Variants in BICD1 observed in about 807,000 individuals in gnomAD.
BICD1 encodes the protein protein bicaudal D homolog 1.
BICD1 carries 35 observed loss-of-function variants against 92.5 expected under a neutral mutation model. That is an observed-to-expected ratio of 0.38 (90% CI 0.29 to 0.50). The LOEUF (loss-of-function observed/expected upper bound fraction) is 0.50. Ranked by LOEUF, BICD1 falls within the 20% of genes least tolerant of loss-of-function variation. The pLI, the probability that BICD1 is intolerant of heterozygous loss-of-function variation, is 0.93. For synonymous variants in BICD1, 429 were observed against 465.1 expected (o/e 0.92, Z 1.00); for missense variants, 950 against 1,189.8 (o/e 0.80, Z 2.97).
chr12:32,324,142 G>T (rs2136250175), intron 4 of BICD1, among the ~76,000 whole-genome samples: 1 of 152,156 alleles, frequency 6.6e-6, no homozygotes, highest in East Asian at 1.9e-4. Context: ...CAGCCGCCAG[G>T]CTGAAACCCC....
intron 4 of BICD1, among the ~76,000 whole-genome samples, chr12:32,321,380 T>C (rs1948651899): frequency 1.3e-5 from 2 of 152,056 alleles, no homozygotes; most frequent in South Asian, 2.1e-4. Context: ...ATAATTTCTA[T>C]GGGATATAGG....
intron 1 of BICD1, among the ~76,000 whole-genome samples, chr12:32,154,199 G>T (rs1393399904): frequency 6.6e-6 from 1 of 152,052 alleles, no homozygotes; most frequent in Non-Finnish European, 1.5e-5. Context: ...GATTTTTCCA[G>T]TTCTCAATAT....
At chr12:32,272,086 T>C (rs1212504232) in intron 2 of BICD1, among the ~76,000 whole-genome samples, 2 of 152,222 alleles carry the variant, frequency 1.3e-5, no homozygotes, top group Non-Finnish European at 2.9e-5. Flanking sequence ...ACCACTAATA[T>C]TACATATTAG....
chr12:32,151,199 C>T (rs3895920), intron 1 of BICD1, among the ~76,000 whole-genome samples: 18,128 of 152,178 alleles, frequency 0.12, 1,244 homozygotes, highest in East Asian at 0.28. Flanking sequence ...CATGTTCCCA[C>T]ATAGAAGCAC....
chr12:32,247,123 GGT>G (rs1484278445), intron 2 of BICD1, among the ~76,000 whole-genome samples: 2 of 151,854 alleles, frequency 1.3e-5, no homozygotes, highest in African/African-American at 4.8e-5. Context: ...CCGGTATGGT[GGT>G]GTGTGCCTGT....
chr12:32,316,457 A>AT (rs949485384), intron 4 of BICD1, among the ~76,000 whole-genome samples: 3 of 150,076 alleles, frequency 2.0e-5, no homozygotes, highest in Non-Finnish European at 3.0e-5. Context: ...CGCCCAGCTA[A>AT]TTTTTTTTTA....
rs1555140629 is a variant in BICD1, at chr12:32,166,142, A to ATTTT, written c.214-50102_214-50101insTTTT. Among the ~76,000 whole-genome samples, 7 of 145,882 alleles carry ATTTT rather than the reference A, an allele frequency of 4.8e-5. No homozygotes were observed. The East Asian group carries it at 1.6e-3, about 33-fold the overall frequency. On this transcript the variant is annotated intron_variant, in intron 1 of 9. Coordinates refer to ENST00000652176, the MANE Select transcript of BICD1 (RefSeq NM_001714.4). Reference sequence around the variant, plus strand: ...TATTTATTTATTTATTTATTTATTTATTTATTTTTTGGAGCCAGCGTTTCG... The same window carrying ATTTT: ...TATTTATTTATTTATTTATTTATTTATTTTTTTATTTTTTGGAGCCAGCGTTTCG...
intron 2 of BICD1, among the ~76,000 whole-genome samples, chr12:32,223,833 A>G (rs996590448): frequency 1.3e-5 from 2 of 152,138 alleles, no homozygotes; most frequent in Admixed American, 6.5e-5. Flanking sequence ...CCTAATTTCA[A>G]TATTGTCTTA....
intron 1 of BICD1, among the ~76,000 whole-genome samples, chr12:32,212,372 C>G (rs1453890374): frequency 9.2e-5 from 14 of 152,182 alleles, no homozygotes; most frequent in Non-Finnish European, 2.1e-4. Context: ...TTAATTCCAG[C>G]CTAATCTTTT....
chr12:32,239,929 AGGTATG>A (rs1158143294), intron 2 of BICD1, among the ~76,000 whole-genome samples: 3 of 152,050 alleles, frequency 2.0e-5, no homozygotes, highest in African/African-American at 7.2e-5. Flanking sequence ...TTTTTAATTA[AGGTATG>A]TATTTTTTAG....
intron 2 of BICD1, among the ~76,000 whole-genome samples, chr12:32,252,034 A>G (rs190174125): frequency 0.11 from 6,153 of 56,664 alleles, 293 homozygotes; most frequent in South Asian, 0.22. Flanking sequence ...TATATTTATA[A>G]TATATATTTA....
intron 2 of BICD1, among the ~76,000 whole-genome samples, chr12:32,241,498 T>C (rs1214874840): frequency 6.6e-6 from 1 of 152,210 alleles, no homozygotes; most frequent in Non-Finnish European, 1.5e-5. Context: ...TGGAGGCAGA[T>C]ACTACTTGGC....
At chr12:32,366,267 G>T (rs1441840055) in intron 8 of BICD1, among the ~76,000 whole-genome samples, 1 of 152,196 alleles carries the variant, frequency 6.6e-6, no homozygotes, top group Non-Finnish European at 1.5e-5. Context: ...TATCAGTAGA[G>T]CCTCGTTAAG....
At chr12:32,332,818 T>A in intron 5 of BICD1, 1 of 962,728 alleles carries the variant, frequency 1.0e-6, no homozygotes. Context: ...TAGAATAATA[T>A]ATTCAGGGAA....
intron 2 of BICD1, among the ~76,000 whole-genome samples, chr12:32,222,652 G>A (rs966404276): frequency 2.0e-5 from 3 of 152,208 alleles, no homozygotes; most frequent in African/African-American, 7.2e-5. Flanking sequence ...GCTATGGTCT[G>A]AATGTGCCCC....
rs145860877 is a variant in BICD1 at position 32,329,634 on chromosome 12, T to C, written c.2100+1079T>C. 2.8e-4 allele frequency among the ~76,000 whole-genome samples: 42 copies of C among 152,318 alleles called. 1 individual carries two copies. In the East Asian group the frequency reaches 7.5e-3, roughly 27 times the overall value. On this transcript the variant is annotated intron_variant, in intron 5 of 9. Transcript: ENST00000652176. Reference sequence around the variant, plus strand: ...GTATAAGAATGAGCTCTACCTGTGCTACTGACCACGTATCTGAAATTTAGG... The same window carrying C: ...GTATAAGAATGAGCTCTACCTGTGCCACTGACCACGTATCTGAAATTTAGG...
intron 2 of BICD1, among the ~76,000 whole-genome samples, chr12:32,247,966 C>A (rs1350261091): frequency 6.6e-6 from 1 of 151,768 alleles, no homozygotes; most frequent in African/African-American, 2.4e-5. Flanking sequence ...ACCTGTAATC[C>A]CAACTATTCG....
In BICD1 at chr12:32,325,524, T is replaced by G. The variant is rs189628946; in HGVS notation, c.1006-1937T>G. On this transcript the variant is annotated intron_variant, in intron 4 of 9. Coordinates refer to ENST00000652176, the MANE Select transcript of BICD1 (RefSeq NM_001714.4). ...GCATAGTAACTGAAACTTACCCATATCAGAACCTCGCCAAGAGAGGACTAC... is the reference window on the plus strand; with the variant it reads ...GCATAGTAACTGAAACTTACCCATAGCAGAACCTCGCCAAGAGAGGACTAC... Among the ~76,000 whole-genome samples the G allele has an allele frequency of 3.9e-5, 6 of 152,268 alleles. No homozygotes were observed. The East Asian group carries it at 7.7e-4, about 20-fold the overall frequency.
chr12:32,327,198 A>G (rs1948799436), intron 4 of BICD1, among the ~76,000 whole-genome samples: 1 of 152,256 alleles, frequency 6.6e-6, no homozygotes, highest in Non-Finnish European at 1.5e-5. Flanking sequence ...TTCTAATAAC[A>G]TTGAAGTTTC....
Sources: allele counts gnomAD v4.1 joint callset (sites outside exome capture counted in the v4.1 genomes callset), GRCh38; gene constraint gnomAD v4.1.1; transcripts MANE v1.5; gene names NCBI Gene and HGNC (gene_info 2026-07-23, HGNC 2026-07-21).